Variants in NDST3 observed in about 807,000 individuals in gnomAD.
The protein encoded by NDST3 is N-deacetylase and N-sulfotransferase 3, also known as bifunctional heparan sulfate N-deacetylase/N-sulfotransferase 3.
NDST3 carries 58 observed loss-of-function variants against 96.1 expected under a neutral mutation model. That is an observed-to-expected ratio of 0.60 (90% CI 0.49 to 0.75). NDST3 has a LOEUF of 0.75. NDST3 is among the 30% of genes least tolerant of loss of function. The pLI is 0.00. For missense variants in NDST3, 788 were observed against 1,034.2 expected (o/e 0.76, Z 3.27); for synonymous variants, 333 against 359.7 (o/e 0.93, Z 0.84).
chr4:118,153,247 T>C (rs1734516970), intron 6 of NDST3, among the ~76,000 whole-genome samples: 1 of 152,220 alleles, frequency 6.6e-6, no homozygotes, highest in African/African-American at 2.4e-5. Context: ...AATTTTATCA[T>C]TTTATTATAT....
At chr4:118,112,906 T>C (rs1730760174) in intron 3 of NDST3, among the ~76,000 whole-genome samples, 1 of 152,120 alleles carries the variant, frequency 6.6e-6, no homozygotes, top group African/African-American at 2.4e-5. Context: ...TGAGTTAATA[T>C]AATGATTTGG....
chr4:118,063,230 C>T (rs547234869), intron 2 of NDST3, among the ~76,000 whole-genome samples: 235 of 149,816 alleles, frequency 1.6e-3, no homozygotes, highest in Non-Finnish European at 3.0e-3. Context: ...GAATCCAACC[C>T]ACGCATGATA....
At chr4:118,112,035 C>A (rs1730684612) in intron 3 of NDST3, among the ~76,000 whole-genome samples, 2 of 152,140 alleles carry the variant, frequency 1.3e-5, no homozygotes, top group Non-Finnish European at 2.9e-5. Flanking sequence ...TAATGTAAAA[C>A]ATTCTCAAAG....
At chr4:118,158,560 A>G (rs1191473055) in intron 6 of NDST3, among the ~76,000 whole-genome samples, 1 of 152,242 alleles carries the variant, frequency 6.6e-6, no homozygotes, top group Non-Finnish European at 1.5e-5. Context: ...ACACCAATGA[A>G]AACAATTGAT....
Position 118,054,298 on chromosome 4 carries a change from C to A in NDST3, c.388C>A (p.Leu130Ile), listed in dbSNP as rs1202146328. 6.2e-7 allele frequency: 1 copy of A among 1,611,486 alleles called. No individual in the cohort carries two copies. The highest frequency in any genetic ancestry group is 8.5e-7 in the Non-Finnish European group (1 of 1,178,776). The change falls in exon 2 of 14, where the codon CTC becomes ATC. Residue 130 changes from leucine (L) to isoleucine (I), a missense_variant. Coordinates refer to ENST00000296499, the MANE Select transcript of NDST3 (RefSeq NM_004784.3). ...LIDKMKGKYI[L>I]IIYENILKYI... ...AGACAAAATGAAAGGCAAATACATT[C>A]TCATTATTTATGAGAATATTTTAAA... is the stretch of plus-strand genomic sequence containing the variant.
intron 1 of NDST3, among the ~76,000 whole-genome samples, chr4:118,051,592 AG>A (rs1260667378): frequency 6.6e-6 from 1 of 152,072 alleles, no homozygotes; most frequent in Non-Finnish European, 1.5e-5. Context: ...AAACAGGCAA[AG>A]GACATGAGCA....
intron 4 of NDST3, among the ~76,000 whole-genome samples, chr4:118,132,721 C>A (rs1475214142): frequency 1.3e-5 from 2 of 152,188 alleles, no homozygotes; most frequent in African/African-American, 4.8e-5. Context: ...ACAGCATACT[C>A]CCTGGCTATC....
chr4:118,093,427 A>T (rs529742190), intron 2 of NDST3, among the ~76,000 whole-genome samples: 2 of 151,922 alleles, frequency 1.3e-5, no homozygotes, highest in Admixed American at 1.3e-4. Flanking sequence ...TCTGTGGCAC[A>T]ATTTCTAATT....
chr4:118,116,478 T>C (rs1190054788), intron 4 of NDST3, among the ~76,000 whole-genome samples: 2 of 152,160 alleles, frequency 1.3e-5, no homozygotes, highest in Admixed American at 6.5e-5. Context: ...TAGAATAGTA[T>C]CTAGAAATTA....
chr4:118,228,497 T>G (rs1324586028), intron 8 of NDST3, among the ~76,000 whole-genome samples: 3 of 152,240 alleles, frequency 2.0e-5, no homozygotes, highest in Non-Finnish European at 2.9e-5. Flanking sequence ...TTTCCAAATG[T>G]TTGTTACAAT....
At chr4:118,193,804 G>T in intron 6 of NDST3, 1 of 1,484,900 alleles carries the variant, frequency 6.7e-7, no homozygotes, top group South Asian at 1.2e-5. Flanking sequence ...GATGACACAT[G>T]GCCAGGTTGA....
At chr4:118,112,109 T>C (rs866308776) in intron 3 of NDST3, among the ~76,000 whole-genome samples, 51 of 151,638 alleles carry the variant, frequency 3.4e-4, no homozygotes, top group Middle Eastern at 6.8e-3. Flanking sequence ...GTGCCTAATA[T>C]GAACTGAGAT....
intron 2 of NDST3, among the ~76,000 whole-genome samples, chr4:118,081,259 T>C (rs2389514): frequency 0.85 from 129,827 of 152,154 alleles, 56,952 homozygotes; most frequent in South Asian, 0.96. Context: ...TGGATACTCA[T>C]ATATTAGTTT....
intron 2 of NDST3, among the ~76,000 whole-genome samples, chr4:118,093,363 T>C (rs778752225): frequency 6.6e-6 from 1 of 151,932 alleles, no homozygotes; most frequent in African/African-American, 2.4e-5. Flanking sequence ...CAAGACATGA[T>C]GCATAGTAAG....
At chr4:118,167,524 T>C (rs1214523470) in intron 6 of NDST3, among the ~76,000 whole-genome samples, 1 of 151,772 alleles carries the variant, frequency 6.6e-6, no homozygotes, top group African/African-American at 2.4e-5. Context: ...CTCATCAAAA[T>C]CCCAGTGGCA....
At chr4:118,202,925 C>T (rs552658292) in intron 6 of NDST3, among the ~76,000 whole-genome samples, 1 of 152,220 alleles carries the variant, frequency 6.6e-6, no homozygotes, top group South Asian at 2.1e-4. Context: ...CTATTGTCCA[C>T]TTAGTATGAT....
intron 4 of NDST3, among the ~76,000 whole-genome samples, chr4:118,128,124 T>C (rs893184832): frequency 2.6e-5 from 4 of 152,048 alleles, no homozygotes; most frequent in Non-Finnish European, 4.4e-5. Context: ...ATTATATCAT[T>C]TGGAAACAAG....
chr4:118,160,179 A>G (rs1734996727), intron 6 of NDST3, among the ~76,000 whole-genome samples: 2 of 152,194 alleles, frequency 1.3e-5, no homozygotes, highest in South Asian at 4.1e-4. Flanking sequence ...GATTCATCAC[A>G]TAAAAGGGAG....
Position 118,206,895 on chromosome 4 carries a change from G to C in NDST3, c.1540-17596G>C, listed in dbSNP as rs189311397. Reference sequence around the variant, plus strand: ...AGAATTTATCCTCAGATATATTTTCGAATGAGTGAAGTGATGCATATACCA... The same window carrying C: ...AGAATTTATCCTCAGATATATTTTCCAATGAGTGAAGTGATGCATATACCA... On this transcript the variant is annotated intron_variant, in intron 6 of 13. Coordinates refer to ENST00000296499, the MANE Select transcript of NDST3 (RefSeq NM_004784.3). Among the ~76,000 whole-genome samples, 2 of 142,806 alleles carry C rather than the reference G, an allele frequency of 1.4e-5. 1 individual carries two copies. The highest frequency in any genetic ancestry group is 4.7e-4 in the South Asian group (2 of 4,252). 93.7% of individuals were successfully genotyped at this position (142,806 alleles called of 152,430 possible).
Sources: allele counts gnomAD v4.1 joint callset (sites outside exome capture counted in the v4.1 genomes callset), GRCh38; gene constraint gnomAD v4.1.1; transcripts MANE v1.5; gene names NCBI Gene and HGNC (gene_info 2026-07-23, HGNC 2026-07-21).